SHPRH: variants seen among roughly 807,000 people sequenced by gnomAD.
SHPRH encodes E3 ubiquitin-protein ligase SHPRH.
SHPRH carries 106 observed loss-of-function variants against 202.5 expected under a neutral mutation model. The observed-to-expected ratio is 0.52, with a 90% CI of 0.45 to 0.62. SHPRH has a LOEUF of 0.62. Ranked by LOEUF, SHPRH falls within the 20% of genes least tolerant of loss-of-function variation. The probability of loss-of-function intolerance (pLI) is 0.00; values close to 1 mark genes in which losing one functional copy is unlikely to be tolerated. For missense variants in SHPRH, 1,710 were observed against 2,020.0 expected, an observed-to-expected ratio of 0.85 and a Z score of 2.94; for synonymous variants, 729 against 686.0, an observed-to-expected ratio of 1.06 and a Z score of -0.98.
chr6:145,870,575 A>C (rs530165919), intron 2 of SHPRH, among the ~76,000 whole-genome samples: 1 of 152,252 alleles, frequency 6.6e-6, no homozygotes, highest in African/African-American at 2.4e-5. Flanking sequence ...GATTTTCTAC[A>C]TACATGATCA....
At chr6:145,920,880 C>G (rs2128748876) in intron 21 of SHPRH, among the ~76,000 whole-genome samples, 1 of 152,090 alleles carries the variant, frequency 6.6e-6, no homozygotes, top group Admixed American at 6.6e-5. Flanking sequence ...AGTGGAAGAT[C>G]AAGCTAATAA....
At chr6:145,955,442 T>C in intron 1 of SHPRH, 88 bp from the exon 2 acceptor site, 6 of 1,283,304 alleles carry the variant, frequency 4.7e-6, no homozygotes, top group Non-Finnish European at 6.4e-6. Flanking sequence ...CATAAATTCA[T>C]AGCCCATAAA....
intron 28 of SHPRH, 146 bp downstream of exon 28, chr6:145,893,069 A>G (rs1781705448): frequency 4.0e-6 from 2 of 502,046 alleles, no homozygotes; most frequent in Non-Finnish European, 6.0e-6. Context: ...TAAATAAGTT[A>G]TAAAATAAAT....
rs1583313081 is a variant in SHPRH, at chr6:145,893,148, T to A, written c.4874+67A>T. ...CGCTATGATGAACATAAATGAAGAG[T>A]TTAAATACTGATTTGGTTTCTCAGA... On this transcript the variant is annotated intron_variant, in intron 28 of 29. Transcript: ENST00000275233. 1.4e-5 allele frequency: 19 copies of A among 1,379,378 alleles called. No individual in the cohort carries two copies. The East Asian group carries it at 1.9e-4, about 14-fold the overall frequency. 85.4% of individuals were successfully genotyped at this position (1,379,378 alleles called of 1,614,324 possible). A position where few individuals can be genotyped will look rare whatever the true frequency, so the allele number is the denominator to read the frequency against.
At chr6:145,905,898 C>A (rs1472079903) in intron 25 of SHPRH, 1 of 151,992 alleles carries the variant, frequency 6.6e-6, no homozygotes, top group Non-Finnish European at 1.5e-5. Context: ...TCTAATTTTT[C>A]TCCTTTCACT....
intron 11 of SHPRH, among the ~76,000 whole-genome samples, chr6:145,937,106 C>A (rs1391540687): frequency 6.6e-6 from 1 of 151,728 alleles, no homozygotes; most frequent in Non-Finnish European, 1.5e-5. Context: ...GCCTCAGCCT[C>A]CCGACTAGCT....
intron 2 of SHPRH, among the ~76,000 whole-genome samples, chr6:145,869,180 T>C (rs1779941538): frequency 6.6e-6 from 1 of 152,224 alleles, no homozygotes; most frequent in Admixed American, 6.5e-5. Flanking sequence ...CTTTGGCTCA[T>C]TTTAAATCAA....
exon 3 of SHPRH, chr6:145,864,308 T>C: frequency 8.1e-6 from 3 of 370,570 alleles, no homozygotes; most frequent in South Asian, 4.6e-5. Context: ...TAATTTTTAC[T>C]TGTGCAAAAC....
intron 23 of SHPRH, among the ~76,000 whole-genome samples, chr6:145,914,602 T>C (rs965507584): frequency 6.6e-6 from 1 of 152,162 alleles, no homozygotes; most frequent in Non-Finnish European, 1.5e-5. Flanking sequence ...TTCCCATGCA[T>C]GGTAATTTGC....
intron 28 of SHPRH, among the ~76,000 whole-genome samples, chr6:145,891,546 T>C (rs951526890): frequency 6.6e-6 from 1 of 152,170 alleles, no homozygotes; most frequent in East Asian, 1.9e-4. Flanking sequence ...TCGCACTCCA[T>C]GAGGACATCT....
intron 25 of SHPRH, among the ~76,000 whole-genome samples, chr6:145,895,678 C>T (rs1341659335): frequency 2.0e-5 from 3 of 151,870 alleles, no homozygotes; most frequent in Non-Finnish European, 4.4e-5. Context: ...AGTTTTCCTT[C>T]TGGAGTGCTC....
At chr6:145,938,852 C>A (rs935935024) in intron 11 of SHPRH, among the ~76,000 whole-genome samples, 5 of 152,064 alleles carry the variant, frequency 3.3e-5, no homozygotes, top group African/African-American at 4.8e-5. Flanking sequence ...TAGGGTGTGG[C>A]GGGTGGAAGG....
At chr6:145,867,629 TATAGAGAGAGAG>T (rs1390732341) in intron 2 of SHPRH, among the ~76,000 whole-genome samples, 24 of 43,902 alleles carry the variant, frequency 5.5e-4, no homozygotes, top group African/African-American at 1.9e-3. Flanking sequence ...TATATATATA[TATAGAGAGAGAG>T]AGAGAGAGAG....
rs867341141 is a variant in SHPRH, at chr6:145,890,068, T to A, written c.4875-1968A>T. Among the ~76,000 whole-genome samples the A allele has an allele frequency of 4.6e-5, 7 of 152,246 alleles. 1 individual carries two copies. The highest frequency in any genetic ancestry group is 6.8e-3 in the Middle Eastern group (2 of 294). On this transcript the variant is annotated intron_variant, in intron 28 of 29. Transcript: ENST00000275233. The stretch of plus-strand genomic sequence containing the variant: ...TCTAATGAATCATTTTCTTACTAAT[T>A]CTCCCATTTGAAAGGAAAACAAAAA...
At chr6:145,932,967 C>CG (rs1785632272) in intron 14 of SHPRH, 90 bp downstream of exon 14, 6 of 1,397,758 alleles carry the variant, frequency 4.3e-6, no homozygotes, top group Admixed American at 4.4e-5. Flanking sequence ...GGAAAAATCC[C>CG]CCCCCCAAAA....
chr6:145,943,465 G>C lies in SHPRH; in HGVS notation c.1916C>G (p.Ala639Gly), dbSNP rs532135948. The C allele has an allele frequency of 4.0e-5, 64 of 1,613,860 alleles. No individual in the cohort carries two copies. Among genetic ancestry groups the C allele is most frequent in the Non-Finnish European group, 5.3e-5 (63 of 1,179,966 alleles). Reference sequence around the variant, plus strand: ...ATTAGAAGGTGGTACATCACTATCAGCATGATTTAGAGATTCAGCACAGTC... The same window carrying C: ...ATTAGAAGGTGGTACATCACTATCACCATGATTTAGAGATTCAGCACAGTC... ...TEDCAESLNH[A>G]DSDVPPSNTM... The change falls in exon 9 of 30, where the codon GCT becomes GGT. Residue 639 changes from alanine to glycine, a missense_variant. Physicochemically the swap from Ala to Gly is moderately conservative, Grantham distance 60 (BLOSUM62 0). Coordinates refer to ENST00000275233, the MANE Select transcript of SHPRH (RefSeq NM_001042683.3).
At chr6:145,926,770 A>G (rs1406617691) in intron 15 of SHPRH, among the ~76,000 whole-genome samples, 1 of 151,930 alleles carries the variant, frequency 6.6e-6, no homozygotes, top group Admixed American at 6.6e-5. Flanking sequence ...AAGTGTTATA[A>G]TTAAAATATC....
intron 2 of SHPRH, among the ~76,000 whole-genome samples, chr6:145,867,010 G>C (rs1330101854): frequency 6.6e-6 from 1 of 152,098 alleles, no homozygotes; most frequent in Non-Finnish European, 1.5e-5. Context: ...AGATTGGCCA[G>C]ATCTGTATTC....
At chr6:145,870,745 T>C (rs534991199) in intron 2 of SHPRH, among the ~76,000 whole-genome samples, 6 of 152,310 alleles carry the variant, frequency 3.9e-5, no homozygotes, top group African/African-American at 1.4e-4. Context: ...AGAGGGAAAC[T>C]TTCAAGTTTC....
Sources: allele counts gnomAD v4.1 joint callset (sites outside exome capture counted in the v4.1 genomes callset), GRCh38; gene constraint gnomAD v4.1.1; transcripts MANE v1.5; gene names NCBI Gene and HGNC (gene_info 2026-07-23, HGNC 2026-07-21).